COPB2: variants seen among roughly 807,000 people sequenced by gnomAD.
The protein encoded by COPB2 is coat protein complex I subunit beta 2.
Under a neutral mutation model 120.8 loss-of-function variants are expected in COPB2, and 16 were observed. The observed-to-expected ratio is 0.13, with a 90% CI of 0.09 to 0.20. COPB2 has a LOEUF of 0.20. Ranked by LOEUF, COPB2 falls within the 10% of genes least tolerant of loss-of-function variation. The pLI, the probability that COPB2 is intolerant of heterozygous loss-of-function variation, is 1.00. For missense variants in COPB2, 794 were observed against 1,076.5 expected (o/e 0.74, Z 3.67); for synonymous variants, 332 against 366.3 (o/e 0.91, Z 1.07).
At chr3:139,370,517 A>G (rs988977945) in intron 10 of COPB2, among the ~76,000 whole-genome samples, 2 of 152,258 alleles carry the variant, frequency 1.3e-5, no homozygotes, top group Non-Finnish European at 2.9e-5. Context: ...TCGCTGTACA[A>G]TTAAGTGGTA....
intron 2 of COPB2, 82 bp downstream of exon 2, chr3:139,383,215 CT>C (rs778313027): frequency 6.7e-7 from 1 of 1,492,934 alleles, no homozygotes; most frequent in East Asian, 2.3e-5. Flanking sequence ...ATTCTGGATT[CT>C]GTTATAATAT....
intron 12 of COPB2, 81 bp from the exon 13 acceptor site, chr3:139,368,369 A>G: frequency 7.3e-7 from 1 of 1,365,092 alleles, no homozygotes. Context: ...GTTTCTTACA[A>G]CATTTACCTT....
In COPB2 at chr3:139,359,066, C is replaced by T. The variant is rs201811724; in HGVS notation, c.2416G>A (p.Val806Ile). 52 of 1,613,988 alleles carry T rather than the reference C, an allele frequency of 3.2e-5. No individual in the cohort carries two copies. Among genetic ancestry groups the T allele is most frequent in the Middle Eastern group, 3.3e-4 (2 of 6,084 alleles). Residue 806 changes from valine (V) to isoleucine (I), a missense_variant, in exon 19 of 22, where the codon GTT (valine) becomes ATT (isoleucine). By Grantham distance (29) the Val-to-Ile change is conservative. Around this residue, in one of 3 missense-constraint regions of COPB2, gnomAD observed 178 missense variants for 183.2 expected, o/e 0.97. Coordinates refer to ENST00000333188, the MANE Select transcript of COPB2 (RefSeq NM_004766.3). ...NLFPGLKEAF[V>I]VEEWVKETHA... ...GTTTCCTTCACCCATTCTTCAACAACAAAGGCTTCTTTTAATCCAGGGAAC... is the reference window on the plus strand; with the variant it reads ...GTTTCCTTCACCCATTCTTCAACAATAAAGGCTTCTTTTAATCCAGGGAAC...
chr3:139,358,547 G>A, intron 20 of COPB2, 197 bp downstream of exon 20: 1 of 606,434 alleles, frequency 1.6e-6, no homozygotes, highest in Non-Finnish European at 2.9e-6. Context: ...GACCGGTGAT[G>A]GGCGCCTGTA....
intron 2 of COPB2, 184 bp downstream of exon 2, chr3:139,383,114 C>G (rs1481193808): frequency 1.5e-6 from 1 of 675,254 alleles, no homozygotes; most frequent in Admixed American, 2.4e-5. Flanking sequence ...ATACCCAGGA[C>G]AGTTTCTCCT....
chr3:139,363,501 C>T lies in COPB2; in HGVS notation c.1885-984G>A, dbSNP rs138229672. 9.2e-5 allele frequency among the ~76,000 whole-genome samples: 14 copies of T among 152,264 alleles called. No homozygotes were observed. The East Asian group carries it at 1.7e-3, about 19-fold the overall frequency. Reference sequence around the variant, plus strand: ...CTGTGGAAAAATTGTCTATCTGCCACGAAACTGGTCCCTGGTGCCAAAAAG... The same window carrying T: ...CTGTGGAAAAATTGTCTATCTGCCATGAAACTGGTCCCTGGTGCCAAAAAG... On this transcript the variant is annotated intron_variant, in intron 15 of 21. Coordinates refer to ENST00000333188, the MANE Select transcript of COPB2 (RefSeq NM_004766.3).
intron 1 of COPB2, chr3:139,388,458 TTCTC>T (rs1219717895): frequency 2.0e-5 from 3 of 150,670 alleles, no homozygotes; most frequent in Non-Finnish European, 1.5e-5. Flanking sequence ...AAATGTTTGT[TTCTC>T]TGTGCATTTT....
intron 3 of COPB2, 44 bp downstream of exon 3, chr3:139,379,336 A>T: frequency 6.3e-7 from 1 of 1,590,728 alleles, no homozygotes; most frequent in Non-Finnish European, 8.6e-7. Flanking sequence ...ACAATCATTG[A>T]CCAATTCAGA....
rs937241237 is a variant in COPB2 at position 139,367,276 on chromosome 3, A to G, written c.1546-131T>C. The G allele has an allele frequency of 1.0e-4, 119 of 1,175,220 alleles. 1 individual carries two copies. Among genetic ancestry groups the G allele is most frequent in the Non-Finnish European group, 1.3e-4 (110 of 867,580 alleles). 72.8% of individuals were successfully genotyped at this position (1,175,220 alleles called of 1,614,324 possible). A position where few individuals can be genotyped will look rare whatever the true frequency, so the allele number is the denominator to read the frequency against. On this transcript the variant is annotated intron_variant, in intron 13 of 21. Coordinates refer to ENST00000333188, the MANE Select transcript of COPB2 (RefSeq NM_004766.3). ...TAAAATCCTTCCTATTTCTAGAAAA[A>G]AAAAATTTTCCTTGGAATTTTTTTT...
At chr3:139,389,258 C>A (rs1405195817) in intron 1 of COPB2, among the ~76,000 whole-genome samples, 1 of 152,252 alleles carries the variant, frequency 6.6e-6, no homozygotes, top group Admixed American at 6.5e-5. Context: ...TTCTGTGTTT[C>A]CCTACACCAC....
Position 139,373,707 on chromosome 3 carries a change from T to C in COPB2, c.853A>G (p.Asn285Asp), listed in dbSNP as rs1941664662. Residue 285 changes from asparagine (N) to aspartate (D), a missense_variant, in exon 8 of 22, where the codon AAT becomes GAT. Physicochemically the swap from Asn to Asp is conservative, Grantham distance 23. This residue lies in a region of COPB2 where 610 missense variants were observed against 866.7 expected (regional missense o/e 0.70). Coordinates refer to ENST00000333188, the MANE Select transcript of COPB2 (RefSeq NM_004766.3). ...WCVASLRGSNNVALGYDEGSI... is the reference protein window; with the variant it reads ...WCVASLRGSNDVALGYDEGSI... ...CCTTCATCATAGCCCAAAGCGACAT[T>C]GTTTGACCCTCTTAGACTGGCCACG... The C allele has an allele frequency of 1.2e-6, 2 of 1,614,016 alleles. No homozygotes were observed. The highest frequency in any genetic ancestry group is 1.7e-5 in the Admixed American group (1 of 60,000).
At chr3:139,380,003 C>CTTTTTTTTTTTTTTTTTTTTTTTTTT (rs869062825) in intron 2 of COPB2, 1 of 101,372 alleles carries the variant, frequency 9.9e-6, no homozygotes, top group African/African-American at 4.1e-5. Context: ...TTTTTCTTTT[C>CTTTTTTTTTTTTTTTTTTTTTTTTTT]TTTTTTTTTT....
chr3:139,364,191 C>T (rs867690040), intron 15 of COPB2, among the ~76,000 whole-genome samples: 3 of 152,058 alleles, frequency 2.0e-5, no homozygotes, highest in South Asian at 4.1e-4. Context: ...GGAGTGAGAA[C>T]AGCATAGAAA....
chr3:139,362,491 T>C lies in COPB2; in HGVS notation c.1911A>G (p.Val637=). Residue 637 remains valine, a synonymous_variant, in exon 16 of 22, where the codon GTA becomes GTG. Coordinates refer to ENST00000333188, the MANE Select transcript of COPB2 (RefSeq NM_004766.3). ...CAAAACGATGCTCAGGATCTGTGGA[T>C]ACTGTAAGAGCTTGCTGCTTGAAGC... ...KQGFKQQALT[V]STDPEHRFEL... 2 of 1,611,994 alleles carry C rather than the reference T, an allele frequency of 1.2e-6. No individual in the cohort carries two copies. The highest frequency in any genetic ancestry group is 2.2e-5 in the East Asian group (1 of 44,768).
Position 139,366,723 on chromosome 3 carries a change from C to T in COPB2, c.1729G>A (p.Asp577Asn). The change falls in exon 15 of 22, where the codon GAT becomes AAT. Residue 577 changes from aspartate (D) to asparagine (N), a missense_variant. By Grantham distance (23) the Asp-to-Asn change is conservative. Transcript: ENST00000333188. ...IPKDNRLYLGDKELNIISYSL... is the reference protein window; with the variant it reads ...IPKDNRLYLGNKELNIISYSL... ...TAGCTAATGATGTTCAATTCTTTAT[C>T]CCCCAGATAAAGCCTGTTGTCTTTA... 6.2e-7 allele frequency: 1 copy of T among 1,614,012 alleles called. No individual in the cohort carries two copies. Among genetic ancestry groups the T allele is most frequent in the African/African-American group, 1.3e-5 (1 of 75,002 alleles).
intron 5 of COPB2, among the ~76,000 whole-genome samples, chr3:139,376,144 C>T (rs1941709663): frequency 6.6e-6 from 1 of 152,186 alleles, no homozygotes; most frequent in African/African-American, 2.4e-5. Flanking sequence ...GTAGTCCTAA[C>T]AACTCAGGAG....
intron 8 of COPB2, 82 bp downstream of exon 8, chr3:139,373,584 G>C: frequency 6.3e-7 from 1 of 1,585,542 alleles, no homozygotes; most frequent in Non-Finnish European, 8.6e-7. Flanking sequence ...TATAAAACTG[G>C]TTACTTGGAA....
chr3:139,361,404 G>T lies in COPB2; in HGVS notation c.1996-109C>A, dbSNP rs777924011. 1.1e-5 allele frequency: 12 copies of T among 1,100,324 alleles called. No homozygotes were observed. The Admixed American group carries it at 2.7e-4, about 25-fold the overall frequency. 68.2% of individuals were successfully genotyped at this position (1,100,324 alleles called of 1,614,324 possible). A position where few individuals can be genotyped will look rare whatever the true frequency, so the allele number is the denominator to read the frequency against. On this transcript the variant is annotated intron_variant, in intron 16 of 21. Transcript: ENST00000333188. ...AATGTTTATAAAAAGAGCTGTGTTT[G>T]TTAAGTTGGCTCTATCAAAATAAGA...
In COPB2 at chr3:139,361,261, G is replaced by A; in HGVS notation, c.2030C>T (p.Ala677Val). ...EQKWKQLAEL[A>V]ISKCQFGLAQ... is the part of the protein sequence containing the mutation. ...TAGGCCAAACTGACATTTACTAATG[G>A]CAAGTTCAGCAAGTTGTTTCCACTT... The change falls in exon 17 of 22, where the codon GCC (alanine) becomes GTC (valine). Residue 677 changes from alanine (A) to valine (V), a missense_variant. Ala to Val is a moderately conservative substitution (Grantham distance 64). Around this residue, in one of 3 missense-constraint regions of COPB2, gnomAD observed 610 missense variants for 866.7 expected, o/e 0.70. Transcript: ENST00000333188. The A allele has an allele frequency of 2.5e-6, 4 of 1,614,172 alleles. No individual in the cohort carries two copies. The highest frequency in any genetic ancestry group is 1.6e-4 in the Middle Eastern group (1 of 6,062).
Sources: gnomAD v4.1 joint callset for allele counts (sites outside exome capture counted in the v4.1 genomes callset) on GRCh38, gnomAD v4.1.1 for gene constraint, gnomAD v4.1.1 regional missense constraint, MANE v1.5 for transcripts, NCBI Gene and HGNC (gene_info 2026-07-23, HGNC 2026-07-21) for gene names.